Variants in MARCHF1 observed in about 807,000 individuals in gnomAD.
MARCHF1 encodes the protein E3 ubiquitin-protein ligase MARCHF1.
MARCHF1 carries 40 observed loss-of-function variants against 54.2 expected under a neutral mutation model. The observed-to-expected ratio is 0.74, with a 90% CI of 0.57 to 0.96. The LOEUF is 0.96. MARCHF1 is among the 40% of genes least tolerant of loss of function. The pLI is 0.00. For missense variants in MARCHF1, 586 were observed against 656.5 expected (o/e 0.89, Z 1.17); for synonymous variants, 236 against 236.3 (o/e 1.00, Z 0.01).
chr4:164,073,186 T>A (rs1305938964), intron 2 of MARCHF1, among the ~76,000 whole-genome samples: 1 of 152,020 alleles, frequency 6.6e-6, no homozygotes, highest in Non-Finnish European at 1.5e-5. Flanking sequence ...GGCAGATGAG[T>A]ATTGGAAGTG....
At chr4:164,279,252 C>T (rs1485177356) in intron 1 of MARCHF1, among the ~76,000 whole-genome samples, 1 of 150,580 alleles carries the variant, frequency 6.6e-6, no homozygotes, top group Admixed American at 6.6e-5. Flanking sequence ...AGAAAGGAAA[C>T]AAAATAAACA....
chr4:164,116,710 T>C (rs1322362717), intron 1 of MARCHF1, among the ~76,000 whole-genome samples: 3 of 152,012 alleles, frequency 2.0e-5, no homozygotes, highest in African/African-American at 7.3e-5. Context: ...TAGAAAGCAT[T>C]TCCAGAAAGT....
At chr4:164,148,087 C>T (rs1729813307) in intron 1 of MARCHF1, among the ~76,000 whole-genome samples, 2 of 151,518 alleles carry the variant, frequency 1.3e-5, no homozygotes, top group East Asian at 1.9e-4. Context: ...TCCAAAAGTA[C>T]ATTATGGTAA....
intron 2 of MARCHF1, among the ~76,000 whole-genome samples, chr4:164,017,294 A>G (rs1196320283): frequency 4.6e-5 from 7 of 152,070 alleles, no homozygotes; most frequent in Non-Finnish European, 1.0e-4. Context: ...GTTAATATTG[A>G]ATTAGGGTTC....
intron 1 of MARCHF1, among the ~76,000 whole-genome samples, chr4:164,345,599 TAATA>T (rs1730070654): frequency 1.3e-5 from 2 of 149,198 alleles, no homozygotes; most frequent in South Asian, 4.2e-4. Flanking sequence ...ATAATAATAA[TAATA>T]ATAATAATAA....
intron 1 of MARCHF1, among the ~76,000 whole-genome samples, chr4:164,348,515 C>T (rs1308968513): frequency 2.6e-5 from 4 of 152,126 alleles, no homozygotes; most frequent in African/African-American, 9.7e-5. Flanking sequence ...ATGTTGCTCT[C>T]CTTGGTGCTA....
At chr4:164,159,728 C>G (rs1364237091) in intron 1 of MARCHF1, among the ~76,000 whole-genome samples, 1 of 152,076 alleles carries the variant, frequency 6.6e-6, no homozygotes, top group African/African-American at 2.4e-5. Flanking sequence ...TGAAGCATTT[C>G]TGGGGAAAGT....
At chr4:163,792,980 G>A (rs1747811278) in intron 4 of MARCHF1, among the ~76,000 whole-genome samples, 1 of 152,196 alleles carries the variant, frequency 6.6e-6, no homozygotes, top group African/African-American at 2.4e-5. Context: ...CCTCTCTAAA[G>A]CGAATCTTCC....
At chr4:163,568,113 C>T (rs1031479998) in intron 8 of MARCHF1, among the ~76,000 whole-genome samples, 5 of 152,080 alleles carry the variant, frequency 3.3e-5, no homozygotes, top group African/African-American at 9.7e-5. Flanking sequence ...TACCATTTCT[C>T]CCTCGCATTT....
At chr4:163,548,628 A>T (rs1738992418) in intron 8 of MARCHF1, among the ~76,000 whole-genome samples, 1 of 152,246 alleles carries the variant, frequency 6.6e-6, no homozygotes, top group South Asian at 2.1e-4. Flanking sequence ...TACAGGAACC[A>T]TTTAGAAACT....
intron 3 of MARCHF1, among the ~76,000 whole-genome samples, chr4:163,901,051 G>A (rs1189370136): frequency 6.6e-6 from 1 of 152,102 alleles, no homozygotes. Context: ...ATGCACATTG[G>A]TGAGAACCAT....
chr4:164,067,506 T>C (rs1754754814), intron 2 of MARCHF1, among the ~76,000 whole-genome samples: 1 of 152,150 alleles, frequency 6.6e-6, no homozygotes, highest in Non-Finnish European at 1.5e-5. Context: ...CAATAAATGG[T>C]GCTGAGATAA....
chr4:164,164,114 C>T (rs1270823397), intron 1 of MARCHF1, among the ~76,000 whole-genome samples: 2 of 151,750 alleles, frequency 1.3e-5, no homozygotes, highest in Non-Finnish European at 2.9e-5. Context: ...CACTAAACAT[C>T]TATATTAGGA....
At chr4:163,981,424 C>CT (rs1243273229) in intron 3 of MARCHF1, among the ~76,000 whole-genome samples, 2 of 152,168 alleles carry the variant, frequency 1.3e-5, no homozygotes, top group African/African-American at 2.4e-5. Context: ...CTTTTCACTC[C>CT]TTTAAGAGCA....
chr4:163,776,370 T>G (rs1007452795), intron 4 of MARCHF1, among the ~76,000 whole-genome samples: 1 of 150,804 alleles, frequency 6.6e-6, no homozygotes, highest in Non-Finnish European at 1.5e-5. Context: ...CTATATATAA[T>G]TTAATTTATA....
chr4:163,874,646 C>T (rs1750251197), intron 3 of MARCHF1, among the ~76,000 whole-genome samples: 1 of 152,142 alleles, frequency 6.6e-6, no homozygotes, highest in Non-Finnish European at 1.5e-5. Flanking sequence ...GACATGAACT[C>T]ATGCTCAGAA....
At chr4:164,088,185 G>T (rs925767212) in intron 2 of MARCHF1, among the ~76,000 whole-genome samples, 3 of 152,274 alleles carry the variant, frequency 2.0e-5, no homozygotes, top group Admixed American at 2.0e-4. Flanking sequence ...CTCTAAGATA[G>T]ATACTGGAGG....
chr4:163,948,482 T>TA (rs1288605934), intron 3 of MARCHF1, among the ~76,000 whole-genome samples: 1 of 152,146 alleles, frequency 6.6e-6, no homozygotes, highest in Non-Finnish European at 1.5e-5. Flanking sequence ...AGAAGCAGGT[T>TA]AAAAAAAGTA....
At chr4:164,191,794 A>C (rs990678957) in intron 1 of MARCHF1, among the ~76,000 whole-genome samples, 7 of 152,188 alleles carry the variant, frequency 4.6e-5, no homozygotes, top group African/African-American at 1.7e-4. Context: ...AAATCTCTAC[A>C]ATCACACTTG....
Sources: gnomAD v4.1 joint callset for allele counts (sites outside exome capture counted in the v4.1 genomes callset) on GRCh38, gnomAD v4.1.1 for gene constraint, MANE v1.5 for transcripts, NCBI Gene and HGNC (gene_info 2026-07-23, HGNC 2026-07-21) for gene names.